Variants in TCF7L1 observed in about 807,000 individuals in gnomAD.
The protein encoded by TCF7L1 is transcription factor 7-like 1.
A neutral mutation model predicts 63.7 loss-of-function variants in TCF7L1; 18 were observed. The ratio of observed to expected loss-of-function variants is 0.28; its 90% CI spans 0.20 to 0.42. The LOEUF (loss-of-function observed/expected upper bound fraction) is 0.42, where lower values mean the gene tolerates loss of function less well. Ranked by LOEUF, TCF7L1 falls within the 10% of genes least tolerant of loss-of-function variation. The pLI is 1.00. For missense variants in TCF7L1, 654 were observed against 779.3 expected (o/e 0.84, Z 1.91); for synonymous variants, 355 against 340.9 (o/e 1.04, Z -0.46).
chr2:85,160,790 T>A (rs1678265445), intron 3 of TCF7L1, among the ~76,000 whole-genome samples: 2 of 152,060 alleles, frequency 1.3e-5, no homozygotes, highest in African/African-American at 4.8e-5. Context: ...AAGCAGAGGT[T>A]GCAGTGAGCC....
At position 85,227,275 on chromosome 2, in the gene TCF7L1, C is replaced by T. The variant is rs142454048; in HGVS notation, c.442-56220C>T. Among the ~76,000 whole-genome samples the T allele has an allele frequency of 3.2e-3, 494 of 152,308 alleles. 4 individuals are homozygous for T. The highest frequency in any genetic ancestry group is 0.011 in the African/African-American group (476 of 41,556). On this transcript the variant is annotated intron_variant, in intron 3 of 11. Coordinates refer to ENST00000282111, the MANE Select transcript of TCF7L1 (RefSeq NM_031283.3). ...CTCTGCTTACACTGTCAAACCCCCT[C>T]TGAACTCAACTAAAGGAGCCTCCCT...
chr2:85,135,798 C>T (rs1677579001), intron 3 of TCF7L1, among the ~76,000 whole-genome samples: 1 of 152,028 alleles, frequency 6.6e-6, no homozygotes, highest in South Asian at 2.1e-4. Flanking sequence ...GGAGGTCTTG[C>T]AGCTTTGGCC....
intron 4 of TCF7L1, among the ~76,000 whole-genome samples, chr2:85,297,714 G>C (rs1681864311): frequency 6.6e-6 from 1 of 151,936 alleles, no homozygotes; most frequent in Non-Finnish European, 1.5e-5. Flanking sequence ...GAGCCCAGGA[G>C]GCAGAAGCTG....
At chr2:85,293,283 G>A (rs1342850972) in intron 4 of TCF7L1, among the ~76,000 whole-genome samples, 1 of 152,178 alleles carries the variant, frequency 6.6e-6, no homozygotes, top group African/African-American at 2.4e-5. Context: ...GGTCCTTCAT[G>A]AATGGTTTAG....
intron 3 of TCF7L1, among the ~76,000 whole-genome samples, chr2:85,270,880 C>G (rs146914394): frequency 6.6e-6 from 1 of 151,416 alleles, no homozygotes; most frequent in African/African-American, 2.4e-5. Flanking sequence ...TTTGTAGAGA[C>G]GGGGTCTCAT....
chr2:85,227,786 G>A (rs1679990613), intron 3 of TCF7L1, among the ~76,000 whole-genome samples: 2 of 151,760 alleles, frequency 1.3e-5, no homozygotes, highest in African/African-American at 4.8e-5. Flanking sequence ...CTTGAGGCTA[G>A]GAGTTCAAGA....
chr2:85,206,510 G>T (rs929303999), intron 3 of TCF7L1, among the ~76,000 whole-genome samples: 2 of 152,182 alleles, frequency 1.3e-5, no homozygotes, highest in Non-Finnish European at 2.9e-5. Flanking sequence ...GGTACTCTTT[G>T]TAAGTCATGA....
chr2:85,286,810 A>C (rs1371210967), intron 4 of TCF7L1, among the ~76,000 whole-genome samples: 1 of 152,144 alleles, frequency 6.6e-6, no homozygotes, highest in Non-Finnish European at 1.5e-5. Context: ...TTTTAAAATT[A>C]GCCAGATGCA....
intron 3 of TCF7L1, among the ~76,000 whole-genome samples, chr2:85,248,305 G>A (rs957312987): frequency 3.3e-5 from 5 of 152,168 alleles, no homozygotes; most frequent in East Asian, 3.9e-4. Flanking sequence ...CATGGGAACC[G>A]TCTGAAGAGA....
At chr2:85,223,193 C>A (rs1205675253) in intron 3 of TCF7L1, among the ~76,000 whole-genome samples, 3 of 152,190 alleles carry the variant, frequency 2.0e-5, no homozygotes, top group Admixed American at 6.5e-5. Context: ...GCAATCCCCC[C>A]ACCTCAGCCT....
At chr2:85,304,401 G>C (rs537023589) in intron 7 of TCF7L1, 63 bp downstream of exon 7, 1 of 1,550,396 alleles carries the variant, frequency 6.4e-7, no homozygotes, top group Non-Finnish European at 8.8e-7. Context: ...TTCTGACCAC[G>C]AAACAGCTTT....
At chr2:85,216,806 C>T (rs1207866951) in intron 3 of TCF7L1, among the ~76,000 whole-genome samples, 1 of 152,084 alleles carries the variant, frequency 6.6e-6, no homozygotes, top group East Asian at 1.9e-4. Context: ...CTGCAGTGAG[C>T]GCCAACAAAG....
At chr2:85,246,591 GCT>G (rs1184973287) in intron 3 of TCF7L1, among the ~76,000 whole-genome samples, 1 of 152,198 alleles carries the variant, frequency 6.6e-6, no homozygotes, top group Non-Finnish European at 1.5e-5. Flanking sequence ...GCAAGGCGAG[GCT>G]CTCCACGCAG....
At chr2:85,207,202 T>C (rs1385330709) in intron 3 of TCF7L1, among the ~76,000 whole-genome samples, 1 of 152,252 alleles carries the variant, frequency 6.6e-6, no homozygotes, top group African/African-American at 2.4e-5. Flanking sequence ...AGTTAATACT[T>C]GCATGTCACT....
At chr2:85,300,629 T>G (rs1007766965) in intron 4 of TCF7L1, among the ~76,000 whole-genome samples, 2 of 152,010 alleles carry the variant, frequency 1.3e-5, no homozygotes, top group African/African-American at 2.4e-5. Flanking sequence ...AGGAAATCTA[T>G]GGATTGGAGT....
intron 3 of TCF7L1, among the ~76,000 whole-genome samples, chr2:85,211,919 A>G (rs1352076520): frequency 6.6e-6 from 1 of 151,970 alleles, no homozygotes; most frequent in East Asian, 1.9e-4. Context: ...ATGAAACCCC[A>G]TCTCTAGTAA....
chr2:85,265,667 G>A (rs190408747), intron 3 of TCF7L1, among the ~76,000 whole-genome samples: 8 of 152,266 alleles, frequency 5.3e-5, no homozygotes, highest in Middle Eastern at 3.4e-3. Flanking sequence ...TAATGGGAAC[G>A]GTTGGGAAGG....
intron 3 of TCF7L1, among the ~76,000 whole-genome samples, chr2:85,269,349 A>G: frequency 6.6e-6 from 1 of 152,278 alleles, no homozygotes; most frequent in East Asian, 1.9e-4. Flanking sequence ...TGTAAGCAAC[A>G]GTATCCAAGA....
intron 3 of TCF7L1, among the ~76,000 whole-genome samples, chr2:85,203,947 G>A (rs1051450285): frequency 2.6e-5 from 4 of 152,052 alleles, no homozygotes; most frequent in Admixed American, 1.3e-4. Flanking sequence ...TCTCCTAAAC[G>A]ACTCAAACTA....
Sources: allele counts gnomAD v4.1 joint callset (sites outside exome capture counted in the v4.1 genomes callset), GRCh38; gene constraint gnomAD v4.1.1; transcripts MANE v1.5; gene names NCBI Gene and HGNC (gene_info 2026-07-23, HGNC 2026-07-21).